Variants in GALNT13 observed in about 807,000 individuals in gnomAD.
GALNT13 encodes UDP-GalNAc:polypeptide N-acetylgalactosaminyltransferase 13.
In GALNT13, 28 loss-of-function variants were observed where a neutral mutation model predicts 64.2. That is an observed-to-expected ratio of 0.44 (90% CI 0.32 to 0.60). The LOEUF (loss-of-function observed/expected upper bound fraction) is 0.60, where lower values mean the gene tolerates loss of function less well. GALNT13 is among the 20% of genes least tolerant of loss of function. The probability of loss-of-function intolerance (pLI) is 0.05; values close to 1 mark genes in which losing one functional copy is unlikely to be tolerated. For missense variants in GALNT13, 577 were observed against 669.8 expected (o/e 0.86, Z 1.53); for synonymous variants, 214 against 224.6 (o/e 0.95, Z 0.42).
At chr2:153,952,117 G>A (rs1692230140) in intron 3 of GALNT13, among the ~76,000 whole-genome samples, 1 of 152,102 alleles carries the variant, frequency 6.6e-6, no homozygotes, top group Admixed American at 6.6e-5. Context: ...ACTCCTAAAT[G>A]GTATGGAATA....
intron 3 of GALNT13, among the ~76,000 whole-genome samples, chr2:154,077,882 T>C (rs559844098): frequency 5.5e-4 from 83 of 151,602 alleles, no homozygotes; most frequent in African/African-American, 2.0e-3. Context: ...ATAATATATC[T>C]TAGGAAATTT....
the GALNT13 span, among the ~76,000 whole-genome samples, chr2:153,181,344 A>G: frequency 6.8e-6 from 1 of 147,804 alleles, no homozygotes; most frequent in Non-Finnish European, 1.5e-5. Flanking sequence ...TTCTAGTTTC[A>G]TACCATTACT....
chr2:153,182,137 G>A, the GALNT13 span, among the ~76,000 whole-genome samples: 2 of 151,508 alleles, frequency 1.3e-5, no homozygotes, highest in African/African-American at 2.4e-5. Flanking sequence ...TCTGCCTCCC[G>A]AGTTCACACC....
At chr2:153,611,865 C>A in the GALNT13 span, among the ~76,000 whole-genome samples, 1 of 150,972 alleles carries the variant, frequency 6.6e-6, no homozygotes, top group Non-Finnish European at 1.5e-5. Flanking sequence ...TTGTCCCCCA[C>A]CCCCCAACAG....
At chr2:154,227,352 T>G (rs1480175417) in intron 4 of GALNT13, among the ~76,000 whole-genome samples, 1 of 151,174 alleles carries the variant, frequency 6.6e-6, no homozygotes, top group Admixed American at 6.6e-5. Context: ...TATTATACTT[T>G]AAGTTTTAGG....
At chr2:153,303,053 A>T in the GALNT13 span, among the ~76,000 whole-genome samples, 1 of 152,004 alleles carries the variant, frequency 6.6e-6, no homozygotes, top group Non-Finnish European at 1.5e-5. Flanking sequence ...ACATATTTTG[A>T]TTGTTTTATC....
chr2:154,153,799 G>A (rs1684223315), intron 4 of GALNT13, among the ~76,000 whole-genome samples: 1 of 152,238 alleles, frequency 6.6e-6, no homozygotes, highest in African/African-American at 2.4e-5. Context: ...GCAGTATTAG[G>A]GCGGGAGTGA....
chr2:154,255,651 A>G (rs1354864198), intron 7 of GALNT13, among the ~76,000 whole-genome samples: 1 of 152,126 alleles, frequency 6.6e-6, no homozygotes, highest in Non-Finnish European at 1.5e-5. Flanking sequence ...ACACATTTTT[A>G]AACATGTTGA....
the GALNT13 span, among the ~76,000 whole-genome samples, chr2:153,205,048 A>G: frequency 6.6e-6 from 1 of 152,062 alleles, no homozygotes; most frequent in Non-Finnish European, 1.5e-5. Flanking sequence ...TTGTGATGGT[A>G]AACGTTATTT....
chr2:153,223,039 C>G, the GALNT13 span, among the ~76,000 whole-genome samples: 1 of 152,244 alleles, frequency 6.6e-6, no homozygotes, highest in African/African-American at 2.4e-5. Context: ...GCTGCGCCTT[C>G]CCTGCTGCAG....
chr2:153,198,171 G>A, the GALNT13 span, among the ~76,000 whole-genome samples: 1 of 152,158 alleles, frequency 6.6e-6, no homozygotes, highest in African/African-American at 2.4e-5. Flanking sequence ...TCTGCTGGGG[G>A]CTGGGCTTTC....
At chr2:154,110,044 A>G (rs182437896) in intron 3 of GALNT13, among the ~76,000 whole-genome samples, 17 of 151,906 alleles carry the variant, frequency 1.1e-4, no homozygotes, top group African/African-American at 3.9e-4. Flanking sequence ...TTTGAGAAAG[A>G]TAGATATTGT....
chr2:154,428,520 TAAAAC>T (rs1700566585), intron 11 of GALNT13, among the ~76,000 whole-genome samples: 1 of 152,188 alleles, frequency 6.6e-6, no homozygotes, highest in African/African-American at 2.4e-5. Context: ...TTAATAAAAA[TAAAAC>T]AAAAATGAAT....
chr2:153,195,057 T>C, the GALNT13 span, among the ~76,000 whole-genome samples: 2 of 152,184 alleles, frequency 1.3e-5, no homozygotes, highest in Non-Finnish European at 2.9e-5. Flanking sequence ...CTTGGGCCTT[T>C]AGGCAGATTT....
intron 8 of GALNT13, among the ~76,000 whole-genome samples, chr2:154,297,224 C>A (rs1443393857): frequency 6.6e-6 from 1 of 152,078 alleles, no homozygotes; most frequent in South Asian, 2.1e-4. Context: ...TTTGATTTCT[C>A]ACTACAAAAC....
At chr2:153,095,640 A>G in the GALNT13 span, among the ~76,000 whole-genome samples, 1 of 152,186 alleles carries the variant, frequency 6.6e-6, no homozygotes, top group African/African-American at 2.4e-5. Flanking sequence ...ACCAACCCAA[A>G]TGTCCATCAA....
chr2:153,348,557 G>A, the GALNT13 span, among the ~76,000 whole-genome samples: 4 of 152,256 alleles, frequency 2.6e-5, no homozygotes, highest in African/African-American at 7.2e-5. Flanking sequence ...CATTAATTCT[G>A]TAAGATAAAT....
intron 4 of GALNT13, among the ~76,000 whole-genome samples, chr2:154,152,763 C>T (rs1684128525): frequency 6.6e-6 from 1 of 152,306 alleles, no homozygotes; most frequent in East Asian, 1.9e-4. Context: ...AGTTCTGGAG[C>T]CTTGGCTTTC....
chr2:154,104,294 G>C (rs1702498901), intron 3 of GALNT13, among the ~76,000 whole-genome samples: 1 of 152,136 alleles, frequency 6.6e-6, no homozygotes, highest in South Asian at 2.1e-4. Context: ...GTCCAAAACA[G>C]ATAGATTTGC....
Sources: allele counts gnomAD v4.1 joint callset (sites outside exome capture counted in the v4.1 genomes callset), GRCh38; gene constraint gnomAD v4.1.1; transcripts MANE v1.5; gene names NCBI Gene and HGNC (gene_info 2026-07-23, HGNC 2026-07-21).